Variants in SGSM2 observed in about 807,000 individuals in gnomAD.
The protein encoded by SGSM2 is RUN and TBC1 domain containing 1.
Under a neutral mutation model 126.6 loss-of-function variants are expected in SGSM2, and 89 were observed. That is an observed-to-expected ratio of 0.70 (90% CI 0.59 to 0.84). SGSM2 has a LOEUF of 0.84. SGSM2 is among the 40% of genes least tolerant of loss of function. The pLI is 0.00. For missense variants in SGSM2, 1,404 were observed against 1,416.6 expected (o/e 0.99, Z 0.14); for synonymous variants, 614 against 574.3 (o/e 1.07, Z -0.99).
At chr17:2,357,278 G>A (rs2065125560) in intron 2 of SGSM2, among the ~76,000 whole-genome samples, 1 of 152,082 alleles carries the variant, frequency 6.6e-6, no homozygotes, top group Non-Finnish European at 1.5e-5. Context: ...GAGCCTTGCT[G>A]TCAGCAGGAT....
At position 2,379,978 on chromosome 17, in the gene SGSM2, G is replaced by T. The variant is rs986917625; in HGVS notation, c.*458G>T. ...CCTTTGCAGTCCCAGTATATTGTGC[G>T]TGCACCAGCCCCAGCTGGAGCAACC... On this transcript the variant is annotated 3_prime_UTR_variant, in exon 24 of 24. Coordinates refer to ENST00000268989, the MANE Select transcript of SGSM2 (RefSeq NM_014853.3). 33 of 1,368,750 alleles carry T rather than the reference G, an allele frequency of 2.4e-5. 1 individual carries two copies. In the South Asian group the frequency reaches 5.7e-4, roughly 24 times the overall value. The allele number at this position is 1,368,750 out of a possible 1,614,324, so 84.8% of individuals were successfully genotyped here. A position where few individuals can be genotyped will look rare whatever the true frequency, so the allele number is the denominator to read the frequency against.
chr17:2,357,531 CTT>C (rs1473110517), intron 2 of SGSM2, among the ~76,000 whole-genome samples: 5 of 152,132 alleles, frequency 3.3e-5, no homozygotes, highest in Non-Finnish European at 7.4e-5. Flanking sequence ...AGTTTTTGCT[CTT>C]GTCACCCAGG....
At position 2,367,429 on chromosome 17, in the gene SGSM2, A is replaced by T. The variant is rs917977421; in HGVS notation, c.1423+24A>T. 1.2e-6 allele frequency: 2 copies of T among 1,604,844 alleles called. No individual in the cohort carries two copies. Among genetic ancestry groups the T allele is most frequent in the African/African-American group, 2.7e-5 (2 of 74,732 alleles). Reference sequence around the variant, plus strand: ...AGGTTCTTATCCCTCCCTCTCCCTGACCCACCTCATCCCCACCCTCCCTCC... The same window carrying T: ...AGGTTCTTATCCCTCCCTCTCCCTGTCCCACCTCATCCCCACCCTCCCTCC... On this transcript the variant is annotated intron_variant, in intron 12 of 23. Transcript: ENST00000268989. The surrounding 1 kb of genome is among the most constrained non-coding windows in gnomAD (Gnocchi z 4.0).
At position 2,376,859 on chromosome 17, in the gene SGSM2, A is replaced by G. The variant is rs763117118; in HGVS notation, c.2692+44A>G. ...TGGGACTGGGCTGCGTAAGCTGGAGAAAGGACGAGAGGGTGGCCAGGTCTG... is the reference window on the plus strand; with the variant it reads ...TGGGACTGGGCTGCGTAAGCTGGAGGAAGGACGAGAGGGTGGCCAGGTCTG... On this transcript the variant is annotated intron_variant, in intron 20 of 23. Transcript: ENST00000268989. 20 of 1,612,438 alleles carry G rather than the reference A, an allele frequency of 1.2e-5. No individual in the cohort carries two copies. In the South Asian group the frequency reaches 1.6e-4, roughly 13 times the overall value.
chr17:2,354,873 A>G (rs1437001981), intron 2 of SGSM2, among the ~76,000 whole-genome samples: 1 of 139,012 alleles, frequency 7.2e-6, no homozygotes, highest in Admixed American at 7.0e-5. Flanking sequence ...AGAATGGTGG[A>G]ATCGGGGTGT....
chr17:2,373,543 G>A (rs754822791), intron 17 of SGSM2, 30 bp downstream of exon 17: 2 of 1,571,184 alleles, frequency 1.3e-6, no homozygotes, highest in South Asian at 2.2e-5. Context: ...GAGGGTTGGG[G>A]GTCTCGGGGG....
chr17:2,375,208 C>T (rs1239512895), intron 17 of SGSM2: 1 of 340,944 alleles, frequency 2.9e-6, no homozygotes, highest in Non-Finnish European at 5.3e-6. Context: ...GCGTTCAGCC[C>T]CCTGGCTCCC....
intron 2 of SGSM2, among the ~76,000 whole-genome samples, chr17:2,344,650 CAA>C (rs2064515563): frequency 6.6e-6 from 1 of 152,154 alleles, no homozygotes; most frequent in Admixed American, 6.5e-5. Context: ...AGACAGGAAA[CAA>C]ATGCGCAAGT....
chr17:2,361,624 C>G lies in SGSM2; in HGVS notation c.134-13C>G, dbSNP rs771740973. ...TTTCCCAGGCTCAGATGCCGTTTCC[C>G]TTTGTGGCCTAGGTGCAGTGGAGGC... On this transcript the variant is annotated splice_polypyrimidine_tract_variant and intron_variant, in intron 2 of 23. Coordinates refer to ENST00000268989, the MANE Select transcript of SGSM2 (RefSeq NM_014853.3). 39 of 1,612,782 alleles carry G rather than the reference C, an allele frequency of 2.4e-5. No individual in the cohort carries two copies. The highest frequency in any genetic ancestry group is 3.1e-5 in the Non-Finnish European group (36 of 1,179,740).
At chr17:2,343,833 C>G (rs113570045) in intron 2 of SGSM2, among the ~76,000 whole-genome samples, 2 of 152,184 alleles carry the variant, frequency 1.3e-5, no homozygotes, top group African/African-American at 2.4e-5. Context: ...TTTTTTGTTC[C>G]CCAGGATAGT....
At chr17:2,364,810 G>T in intron 9 of SGSM2, 87 bp from the exon 10 acceptor site, 2 of 1,577,010 alleles carry the variant, frequency 1.3e-6, no homozygotes, top group Middle Eastern at 4.0e-4. Context: ...CCAGCCATCT[G>T]CCTCCTACCC....
At chr17:2,354,137 G>A (rs1287993468) in intron 2 of SGSM2, among the ~76,000 whole-genome samples, 2 of 152,084 alleles carry the variant, frequency 1.3e-5, no homozygotes, top group African/African-American at 4.8e-5. Context: ...AAACTTCTGG[G>A]CTCAAGTGAT....
chr17:2,380,886 A>G lies in SGSM2; in HGVS notation c.*1366A>G, dbSNP rs2066380213. The G allele has an allele frequency of 6.3e-6, 1 of 158,328 alleles. No homozygotes were observed. Among genetic ancestry groups the G allele is most frequent in the Non-Finnish European group, 1.4e-5 (1 of 72,146 alleles). The allele number at this position is 158,328 out of a possible 1,614,324, so 9.8% of individuals were successfully genotyped here. ...GCCTGTCTGGGGGCCAGACCACCCC[A>G]TTGTCCATCCTTGTTGTCCGTGAGT... is the stretch of plus-strand genomic sequence containing the variant. On this transcript the variant is annotated 3_prime_UTR_variant, in exon 24 of 24. Coordinates refer to ENST00000268989, the MANE Select transcript of SGSM2 (RefSeq NM_014853.3).
intron 8 of SGSM2, 152 bp downstream of exon 8, chr17:2,364,335 T>A (rs961719763): frequency 1.5e-5 from 16 of 1,048,638 alleles, no homozygotes; most frequent in Non-Finnish European, 2.1e-5. Flanking sequence ...CTGGAGTGAT[T>A]CCCAAGCTCT....
In SGSM2 at chr17:2,379,856, G is replaced by A. The variant is rs1045780611; in HGVS notation, c.*336G>A. 3.1e-6 allele frequency: 4 copies of A among 1,304,804 alleles called. No homozygotes were observed. The highest frequency in any genetic ancestry group is 3.9e-6 in the Non-Finnish European group (4 of 1,020,880). 80.8% of individuals were successfully genotyped at this position (1,304,804 alleles called of 1,614,324 possible). On this transcript the variant is annotated 3_prime_UTR_variant, in exon 24 of 24. Transcript: ENST00000268989. ...GACTGCTGCCCACGAGTGAACCTGG[G>A]GCCCCACAGGATTAACAGGGGCTAT...
At chr17:2,378,921 C>CCAGCCTCAGCCTCAGCCT (rs368736242) in intron 22 of SGSM2, 115 bp from the exon 23 acceptor site, 21 of 1,298,436 alleles carry the variant, frequency 1.6e-5, no homozygotes, top group Non-Finnish European at 2.1e-6. Context: ...AGCCCCAGCC[C>CCAGCCTCAGCCTCAGCCT]CAGCCTCAGC....
rs2065944060 is a variant in SGSM2 at position 2,372,937 on chromosome 17, T to C, written c.1789-16T>C. 1 of 1,554,944 alleles carries C rather than the reference T, an allele frequency of 6.4e-7. No homozygotes were observed. Among genetic ancestry groups the C allele is most frequent in the Non-Finnish European group, 8.7e-7 (1 of 1,148,934 alleles). ...ACTGTGGAGGCTGCACAGTCTTGAC[T>C]CCCCGGGTCCCTCAGAACTACAAAG... is the stretch of plus-strand genomic sequence containing the variant. On this transcript the variant is annotated splice_polypyrimidine_tract_variant and intron_variant, in intron 15 of 23. Coordinates refer to ENST00000268989, the MANE Select transcript of SGSM2 (RefSeq NM_014853.3). This position sits in a 1 kb window ranked among gnomAD's most constrained non-coding sequence, Gnocchi z 6.0.
At position 2,380,252 on chromosome 17, in the gene SGSM2, C is replaced by G. The variant is rs771866280; in HGVS notation, c.*732C>G. On this transcript the variant is annotated 3_prime_UTR_variant, in exon 24 of 24. Coordinates refer to ENST00000268989, the MANE Select transcript of SGSM2 (RefSeq NM_014853.3). ...CCTCGCTCCTGCCACCCCACCCTTG[C>G]GTTCTGCATTAGGTACTTCCCTGAA... 2.4e-5 allele frequency: 37 copies of G among 1,535,898 alleles called. No homozygotes were observed. Among genetic ancestry groups the G allele is most frequent in the Non-Finnish European group, 3.1e-5 (36 of 1,146,864 alleles).
intron 2 of SGSM2, among the ~76,000 whole-genome samples, chr17:2,359,666 C>T (rs75200886): frequency 0.04 from 6,067 of 152,214 alleles, 373 homozygotes; most frequent in African/African-American, 0.13. Context: ...GAGGCCACCC[C>T]GATGGGAGTG....
Sources: gnomAD v4.1 joint callset for allele counts (sites outside exome capture counted in the v4.1 genomes callset) on GRCh38, gnomAD v4.1.1 for gene constraint, Gnocchi (gnomAD v3.1) non-coding constraint, MANE v1.5 for transcripts, NCBI Gene and HGNC (gene_info 2026-07-23, HGNC 2026-07-21) for gene names.